LRP1B: variants seen among roughly 807,000 people sequenced by gnomAD.
The protein encoded by LRP1B is LDL receptor related protein 1B.
A neutral mutation model predicts 556.6 loss-of-function variants in LRP1B; 217 were observed. That is an observed-to-expected ratio of 0.39 (90% CI 0.35 to 0.44). The LOEUF (loss-of-function observed/expected upper bound fraction) is 0.44, where lower values mean the gene tolerates loss of function less well. Among genes scored for constraint, LRP1B ranks in the 20% least tolerant of loss-of-function variants. The pLI, the probability that LRP1B is intolerant of heterozygous loss-of-function variation, is 1.00. For synonymous variants in LRP1B, 2,047 were observed against 1,865.8 expected (o/e 1.10, Z -2.50); for missense variants, 5,053 against 5,620.8 (o/e 0.90, Z 3.23).
intron 84 of LRP1B, among the ~76,000 whole-genome samples, chr2:140,291,320 T>TATATATATATATATATATACATATATA (rs745524571): frequency 1.9e-5 from 1 of 51,856 alleles, no homozygotes; most frequent in Non-Finnish European, 3.9e-5. Context: ...ATATATATAT[T>TATATATATATATATATATACATATATA]TTTATTATAC....
chr2:140,284,682 T>C (rs949113692), intron 84 of LRP1B, among the ~76,000 whole-genome samples: 9 of 151,120 alleles, frequency 6.0e-5, no homozygotes, highest in African/African-American at 2.2e-4. Context: ...AAATCTATAG[T>C]TGAAGCAACG....
At chr2:141,190,663 A>G (rs1290439322) in intron 6 of LRP1B, among the ~76,000 whole-genome samples, 2 of 152,112 alleles carry the variant, frequency 1.3e-5, no homozygotes, top group South Asian at 2.1e-4. Context: ...CAATAATGCC[A>G]TAAGTAATTT....
intron 49 of LRP1B, among the ~76,000 whole-genome samples, chr2:140,523,933 C>T (rs1220232385): frequency 6.6e-6 from 1 of 151,762 alleles, no homozygotes; most frequent in East Asian, 1.9e-4. Flanking sequence ...ATGACTAAGT[C>T]CTCAAAAGCA....
rs2105468508 is a variant in LRP1B, at chr2:141,062,169, G to A, written c.1118C>T (p.Ala373Val). The A allele has an allele frequency of 6.2e-7, 1 of 1,611,860 alleles. No homozygotes were observed. The highest frequency in any genetic ancestry group is 1.1e-5 in the South Asian group (1 of 91,032). The change falls in exon 8 of 91, where the codon GCT becomes GTT. Residue 373 changes from alanine to valine, a missense_variant. Physicochemically the swap from Ala to Val is moderately conservative, Grantham distance 64 (BLOSUM62 0). Around this residue, in one of 5 missense-constraint regions of LRP1B, gnomAD observed 3,619 missense variants for 3,931.9 expected, o/e 0.92. Coordinates refer to ENST00000389484, the MANE Select transcript of LRP1B (RefSeq NM_018557.3). ...RIIDSKTEQP[A>V]ALALDLVNKL... is the part of the protein sequence containing the mutation. ...GTTGACTAGGTCTAGTGCCAGTGCA[G>A]CTGGCTGCTCTGTCTTTGAATCAAT...
At chr2:141,416,292 C>G (rs1172528122) in intron 3 of LRP1B, among the ~76,000 whole-genome samples, 1 of 151,948 alleles carries the variant, frequency 6.6e-6, no homozygotes, top group Non-Finnish European at 1.5e-5. Flanking sequence ...AGGTAAGTGA[C>G]CTTGGCTAAT....
intron 3 of LRP1B, among the ~76,000 whole-genome samples, chr2:141,387,627 T>G (rs1689878255): frequency 6.6e-6 from 1 of 152,088 alleles, no homozygotes; most frequent in African/African-American, 2.4e-5. Flanking sequence ...ATTTTTAAAA[T>G]CTTAACAGAT....
chr2:140,631,984 A>G (rs895682244), intron 41 of LRP1B, among the ~76,000 whole-genome samples: 11 of 152,062 alleles, frequency 7.2e-5, no homozygotes, highest in African/African-American at 2.4e-4. Context: ...ACAAGCAAAA[A>G]GACTGGTATG....
chr2:140,720,690 T>A (rs902929164), intron 35 of LRP1B, among the ~76,000 whole-genome samples: 2 of 152,146 alleles, frequency 1.3e-5, no homozygotes, highest in Admixed American at 1.3e-4. Flanking sequence ...TGTATTCTTA[T>A]GATTAATTAA....
intron 2 of LRP1B, among the ~76,000 whole-genome samples, chr2:141,613,645 C>T (rs962503013): frequency 2.6e-5 from 4 of 152,066 alleles, no homozygotes; most frequent in South Asian, 2.1e-4. Flanking sequence ...CCTTCGCAAA[C>T]GTGTCTCAGA....
intron 1 of LRP1B, among the ~76,000 whole-genome samples, chr2:141,967,434 C>A (rs935254037): frequency 2.6e-5 from 4 of 151,836 alleles, no homozygotes; most frequent in Non-Finnish European, 5.9e-5. Context: ...AGAGGAGTTA[C>A]TGGATGAAAT....
At chr2:141,204,435 G>C (rs1283380552) in intron 6 of LRP1B, among the ~76,000 whole-genome samples, 1 of 150,536 alleles carries the variant, frequency 6.6e-6, no homozygotes, top group Non-Finnish European at 1.5e-5. Context: ...GCAATGGCCA[G>C]TTTATGGTCC....
At chr2:141,043,402 G>C (rs546037607) in intron 11 of LRP1B, among the ~76,000 whole-genome samples, 1 of 151,772 alleles carries the variant, frequency 6.6e-6, no homozygotes, top group African/African-American at 2.4e-5. Flanking sequence ...CAAAAGAAGC[G>C]GCAAAATTAT....
intron 3 of LRP1B, among the ~76,000 whole-genome samples, chr2:141,413,125 G>T (rs1690917581): frequency 1.3e-5 from 2 of 152,146 alleles, no homozygotes; most frequent in Non-Finnish European, 2.9e-5. Context: ...TACTTGGGAG[G>T]CTGAGACCGG....
In LRP1B at chr2:141,291,797, A is replaced by G. The variant is rs968937146; in HGVS notation, c.344-37156T>C. ...CGTGAACCCGGGAGGCGGAGCTTGC[A>G]GTGAGCAGAGATCGCGCCACTGCAC... On this transcript the variant is annotated intron_variant, in intron 3 of 90. Coordinates refer to ENST00000389484, the MANE Select transcript of LRP1B (RefSeq NM_018557.3). Among the ~76,000 whole-genome samples the G allele has an allele frequency of 5.7e-4, 78 of 137,836 alleles. 1 individual carries two copies. Among genetic ancestry groups the G allele is most frequent in the Non-Finnish European group, 9.6e-4 (63 of 65,548 alleles). The allele number at this position is 137,836 out of a possible 152,430, so 90.4% of individuals were successfully genotyped here. A position where few individuals can be genotyped will look rare whatever the true frequency, so the allele number is the denominator to read the frequency against.
At chr2:140,978,155 G>A (rs921341401) in intron 18 of LRP1B, among the ~76,000 whole-genome samples, 3 of 152,058 alleles carry the variant, frequency 2.0e-5, no homozygotes, top group South Asian at 2.1e-4. Flanking sequence ...TAATGTAAAC[G>A]TGCACCCACA....
chr2:141,381,023 A>T (rs1048529653), intron 3 of LRP1B, among the ~76,000 whole-genome samples: 2 of 137,772 alleles, frequency 1.5e-5, no homozygotes, highest in Admixed American at 1.4e-4. Context: ...TTAGTCAAGA[A>T]AAGTGAAGAA....
Position 141,940,847 on chromosome 2 carries a change from C to G in LRP1B, c.83-130446G>C, listed in dbSNP as rs1327096781. 3.3e-5 allele frequency among the ~76,000 whole-genome samples: 5 copies of G among 152,256 alleles called. No individual in the cohort carries two copies. The East Asian group carries it at 7.7e-4, about 24-fold the overall frequency. On this transcript the variant is annotated intron_variant, in intron 1 of 90. Transcript: ENST00000389484. ...AACTGTAAAAGACCTTAGGGATAAT[C>G]TCTTTTAATCACTCCTGTTACAGAT...
chr2:141,099,793 T>C (rs750175309), intron 7 of LRP1B, among the ~76,000 whole-genome samples: 8 of 152,328 alleles, frequency 5.3e-5, no homozygotes, highest in Non-Finnish European at 7.4e-5. Context: ...ATCTGGTGTA[T>C]TGATATGTTT....
intron 32 of LRP1B, among the ~76,000 whole-genome samples, chr2:140,781,766 G>A (rs567536536): frequency 6.6e-6 from 1 of 152,206 alleles, no homozygotes; most frequent in African/African-American, 2.4e-5. Flanking sequence ...AAGTATAACC[G>A]CATCCTCTGT....
Sources: gnomAD v4.1 joint callset for allele counts (sites outside exome capture counted in the v4.1 genomes callset) on GRCh38, gnomAD v4.1.1 for gene constraint, gnomAD v4.1.1 regional missense constraint, MANE v1.5 for transcripts, NCBI Gene and HGNC (gene_info 2026-07-23, HGNC 2026-07-21) for gene names.